The following NELL2 variants were observed in gnomAD, a reference collection of about 807,000 sequenced individuals.
NELL2 encodes protein kinase C-binding protein NELL2.
NELL2 carries 41 observed loss-of-function variants against 109.6 expected under a neutral mutation model. That is an observed-to-expected ratio of 0.37 (90% CI 0.29 to 0.49). NELL2 has a LOEUF of 0.49. Ranked by LOEUF, NELL2 falls within the 20% of genes least tolerant of loss-of-function variation. The probability of loss-of-function intolerance (pLI) is 0.98; values close to 1 mark genes in which losing one functional copy is unlikely to be tolerated. For synonymous variants in NELL2, 355 were observed against 344.7 expected, an observed-to-expected ratio of 1.03 and a Z score of -0.33; for missense variants, 900 against 1,008.3, an observed-to-expected ratio of 0.89 and a Z score of 1.45.
At chr12:44,514,326 TG>T (rs1410008921) in intron 19 of NELL2, among the ~76,000 whole-genome samples, 1 of 151,750 alleles carries the variant, frequency 6.6e-6, no homozygotes, top group East Asian at 1.9e-4. Flanking sequence ...TAAGAAGAAA[TG>T]AAGAGTACCA....
intron 13 of NELL2, among the ~76,000 whole-genome samples, chr12:44,656,472 T>G (rs1947503810): frequency 6.6e-6 from 1 of 152,194 alleles, no homozygotes; most frequent in Non-Finnish European, 1.5e-5. Flanking sequence ...AGGGTCCCAG[T>G]GAGAAATAAG....
rs1286633342 is a variant in NELL2, at chr12:44,635,236, T to C, written c.1445-24266A>G. 3.9e-5 allele frequency among the ~76,000 whole-genome samples: 6 copies of C among 152,214 alleles called. 1 individual carries two copies. The East Asian group carries it at 1.2e-3, about 29-fold the overall frequency. On this transcript the variant is annotated intron_variant, in intron 13 of 19. Transcript: ENST00000429094. ...ATCTTCTCCCATTTGGTAGGTTGCC[T>C]GTTCACTCTGATGATAGTTTCTTTT...
At chr12:44,822,574 G>A (rs1421548890) in intron 2 of NELL2, among the ~76,000 whole-genome samples, 1 of 152,214 alleles carries the variant, frequency 6.6e-6, no homozygotes, top group Non-Finnish European at 1.5e-5. Context: ...GAAAGAGGCT[G>A]AGAAACAGGC....
At chr12:44,892,079 T>C (rs1010056036) in intron 1 of NELL2, among the ~76,000 whole-genome samples, 5 of 152,172 alleles carry the variant, frequency 3.3e-5, no homozygotes, top group African/African-American at 9.7e-5. Flanking sequence ...TCTGGTGAAG[T>C]TGAGAGGCTG....
intron 13 of NELL2, among the ~76,000 whole-genome samples, chr12:44,658,754 T>C (rs1359546613): frequency 1.3e-5 from 2 of 151,164 alleles, no homozygotes; most frequent in East Asian, 1.9e-4. Flanking sequence ...CAGGCGCCTG[T>C]AGTTCCAGCT....
At chr12:44,741,680 C>T (rs1221376701) in intron 9 of NELL2, among the ~76,000 whole-genome samples, 2 of 152,234 alleles carry the variant, frequency 1.3e-5, no homozygotes, top group Admixed American at 6.5e-5. Flanking sequence ...TCGGAGGGTC[C>T]TACGCCCACA....
intron 2 of NELL2, among the ~76,000 whole-genome samples, chr12:44,862,926 A>G (rs1212489258): frequency 1.3e-5 from 2 of 152,320 alleles, no homozygotes; most frequent in East Asian, 1.9e-4. Flanking sequence ...GAAGAAAGAG[A>G]CAAGTAAAAA....
chr12:44,764,456 T>C (rs10880678), intron 9 of NELL2, among the ~76,000 whole-genome samples: 20,688 of 152,212 alleles, frequency 0.14, 1,632 homozygotes, highest in East Asian at 0.27. Context: ...TTACTAATCA[T>C]AGAGAAATAA....
intron 13 of NELL2, among the ~76,000 whole-genome samples, chr12:44,639,390 T>A (rs538107657): frequency 6.6e-6 from 1 of 152,188 alleles, no homozygotes; most frequent in African/African-American, 2.4e-5. Flanking sequence ...ACGACGACCA[T>A]GACACTTCAC....
chr12:44,661,951 C>CCT (rs1347493916), intron 13 of NELL2, among the ~76,000 whole-genome samples: 4 of 151,628 alleles, frequency 2.6e-5, no homozygotes, highest in Admixed American at 6.6e-5. Context: ...CCCTCCTGCT[C>CCT]CTCTCTCTCT....
At chr12:44,560,639 G>T (rs575427523) in intron 15 of NELL2, among the ~76,000 whole-genome samples, 10 of 152,062 alleles carry the variant, frequency 6.6e-5, no homozygotes, top group African/African-American at 2.2e-4. Context: ...GGAAGAAGTC[G>T]AATCCCTGAA....
intron 13 of NELL2, among the ~76,000 whole-genome samples, chr12:44,644,241 A>T (rs1034957439): frequency 1.3e-5 from 2 of 152,210 alleles, no homozygotes. Context: ...CTTTTGTAAA[A>T]AGCAATAAAT....
chr12:44,578,896 C>T (rs1351669081), intron 15 of NELL2, among the ~76,000 whole-genome samples: 3 of 152,120 alleles, frequency 2.0e-5, no homozygotes, highest in East Asian at 3.9e-4. Context: ...CTTCAAAAGC[C>T]TACTTTCTCT....
At chr12:44,805,164 A>G (rs1942958160) in intron 3 of NELL2, among the ~76,000 whole-genome samples, 1 of 151,872 alleles carries the variant, frequency 6.6e-6, no homozygotes, top group Admixed American at 6.6e-5. Flanking sequence ...TAGAAGACTG[A>G]GTAATATAAA....
At chr12:44,581,861 A>T (rs1944335873) in intron 15 of NELL2, among the ~76,000 whole-genome samples, 1 of 152,192 alleles carries the variant, frequency 6.6e-6, no homozygotes, top group Non-Finnish European at 1.5e-5. Context: ...TTAGGGCCTA[A>T]AACATGGTAA....
chr12:44,606,719 TAATTATTAATG>T (rs1025761115), intron 15 of NELL2, among the ~76,000 whole-genome samples: 42 of 152,260 alleles, frequency 2.8e-4, no homozygotes, highest in African/African-American at 9.6e-4. Context: ...TCCAGATAAA[TAATTATTAATG>T]AATAATTAAA....
chr12:44,791,085 A>ATATG (rs1942376604), intron 3 of NELL2, among the ~76,000 whole-genome samples: 1 of 16,844 alleles, frequency 5.9e-5, no homozygotes, highest in Non-Finnish European at 1.2e-4. Flanking sequence ...ATATATACAT[A>ATATG]TATATATATA....
In NELL2 at chr12:44,665,585, C is replaced by T. The variant is rs140706152; in HGVS notation, c.1343G>A (p.Arg448His). ...CEDIDECAEG[R>H]HYCRENTMCV... The stretch of plus-strand genomic sequence containing the variant: ...CATTGTATTTTCACGACAGTAATGG[C>T]GCCCTTCAGCACACTCATCGATGTC... The change falls in exon 13 of 20, where the codon CGC becomes CAC. Residue 448 changes from arginine (R) to histidine (H), a missense_variant. By Grantham distance (29) the Arg-to-His change is conservative. Transcript: ENST00000429094. 1.4e-5 allele frequency: 22 copies of T among 1,612,872 alleles called. No homozygotes were observed. In the Admixed American group the frequency reaches 2.0e-4, roughly 15 times the overall value.
chr12:44,820,107 G>T (rs1313861321), intron 2 of NELL2, among the ~76,000 whole-genome samples: 1 of 152,136 alleles, frequency 6.6e-6, no homozygotes, highest in South Asian at 2.1e-4. Flanking sequence ...AGTCATGATT[G>T]TATCACAGTT....
Sources: gnomAD v4.1 joint callset for allele counts (sites outside exome capture counted in the v4.1 genomes callset) on GRCh38, gnomAD v4.1.1 for gene constraint, MANE v1.5 for transcripts, NCBI Gene and HGNC (gene_info 2026-07-23, HGNC 2026-07-21) for gene names.